Variants in CAPZB observed in about 807,000 individuals in gnomAD.
CAPZB encodes the protein capping actin protein of muscle Z-line subunit beta.
Under a neutral mutation model 38.1 loss-of-function variants are expected in CAPZB, and 2 were observed. The ratio of observed to expected loss-of-function variants is 0.05; its 90% CI spans 0.02 to 0.17. The LOEUF (loss-of-function observed/expected upper bound fraction) is 0.17, where lower values mean the gene tolerates loss of function less well. Ranked by LOEUF, CAPZB falls within the 10% of genes least tolerant of loss-of-function variation. CAPZB has a pLI of 1.00. For synonymous variants in CAPZB, 107 were observed against 127.4 expected, an observed-to-expected ratio of 0.84 and a Z score of 1.08; for missense variants, 161 against 334.2, an observed-to-expected ratio of 0.48 and a Z score of 4.04.
chr1:19,459,888 G>A (rs1313975265), intron 1 of CAPZB, among the ~76,000 whole-genome samples: 1 of 152,102 alleles, frequency 6.6e-6, no homozygotes, highest in Non-Finnish European at 1.5e-5. Context: ...CCACCCCATA[G>A]TCACGTAGTT....
intron 1 of CAPZB, among the ~76,000 whole-genome samples, chr1:19,460,574 C>CTTTTTTTTT (rs35288971): frequency 0.027 from 2,438 of 90,980 alleles, 5 homozygotes; most frequent in Middle Eastern, 0.041. Flanking sequence ...TGTGCCCAGG[C>CTTTTTTTTT]TTTTTTTTTT....
intron 1 of CAPZB, among the ~76,000 whole-genome samples, chr1:19,454,251 C>G (rs952159834): frequency 7.2e-5 from 11 of 152,208 alleles, no homozygotes; most frequent in African/African-American, 2.7e-4. Context: ...ATAATTCACA[C>G]CTGCACTCAC....
chr1:19,365,258 T>A (rs2094077108), intron 4 of CAPZB, among the ~76,000 whole-genome samples: 1 of 152,198 alleles, frequency 6.6e-6, no homozygotes, highest in South Asian at 2.1e-4. Context: ...CAGATCACTC[T>A]CGTAGACATG....
At chr1:19,446,011 C>T (rs751844540) in intron 1 of CAPZB, among the ~76,000 whole-genome samples, 87 of 152,316 alleles carry the variant, frequency 5.7e-4, no homozygotes, top group Non-Finnish European at 1.0e-3. Flanking sequence ...AGCTGGAGGC[C>T]TCTCGGCATC....
At chr1:19,404,001 C>A (rs1178958775) in intron 2 of CAPZB, among the ~76,000 whole-genome samples, 1 of 152,102 alleles carries the variant, frequency 6.6e-6, no homozygotes, top group Non-Finnish European at 1.5e-5. Context: ...GTAGGCCGGG[C>A]ACGGTGGCAT....
At chr1:19,434,895 G>A (rs1041014985) in intron 1 of CAPZB, among the ~76,000 whole-genome samples, 28 of 151,806 alleles carry the variant, frequency 1.8e-4, no homozygotes, top group Admixed American at 1.8e-3. Context: ...CTCCAGCCTG[G>A]GGGACAAAAC....
intron 1 of CAPZB, among the ~76,000 whole-genome samples, chr1:19,441,174 C>T (rs546959998): frequency 2.9e-4 from 44 of 152,350 alleles, no homozygotes; most frequent in African/African-American, 9.6e-4. Flanking sequence ...GCTGAAAACA[C>T]GTGAATCCCA....
intron 4 of CAPZB, among the ~76,000 whole-genome samples, chr1:19,375,721 G>C (rs918965862): frequency 1.2e-4 from 19 of 152,298 alleles, no homozygotes; most frequent in Non-Finnish European, 2.2e-4. Flanking sequence ...GAAGGGAAAG[G>C]CTTCACCAGA....
chr1:19,463,829 T>C (rs1427602252), intron 1 of CAPZB, among the ~76,000 whole-genome samples: 1 of 152,176 alleles, frequency 6.6e-6, no homozygotes, highest in East Asian at 1.9e-4. Context: ...TTTCACCCTC[T>C]ATGTTAAAAA....
intron 2 of CAPZB, among the ~76,000 whole-genome samples, chr1:19,418,490 C>T (rs748986986): frequency 4.6e-5 from 7 of 152,288 alleles, no homozygotes; most frequent in East Asian, 1.9e-4. Context: ...GCCTTCTCTC[C>T]GCTTACATCA....
intron 8 of CAPZB, among the ~76,000 whole-genome samples, chr1:19,340,553 C>T (rs561310964): frequency 1.2e-4 from 19 of 152,246 alleles, no homozygotes; most frequent in African/African-American, 3.6e-4. Flanking sequence ...TCAACCCGGC[C>T]GGATGTGGTG....
intron 3 of CAPZB, among the ~76,000 whole-genome samples, chr1:19,382,567 A>C (rs750284988): frequency 5.3e-5 from 8 of 152,198 alleles, no homozygotes; most frequent in Admixed American, 2.0e-4. Context: ...AGGAGAAAGA[A>C]AGACATACTT....
chr1:19,398,395 T>G (rs1185820785), intron 2 of CAPZB, among the ~76,000 whole-genome samples: 4 of 152,170 alleles, frequency 2.6e-5, no homozygotes, highest in Non-Finnish European at 5.9e-5. Flanking sequence ...AGGTCTGGCT[T>G]CCTCCAACAG....
chr1:19,385,859 C>G lies in CAPZB; in HGVS notation c.94-233G>C, dbSNP rs368597252. 4.7e-6 allele frequency: 3 copies of G among 642,160 alleles called. No individual in the cohort carries two copies. In the East Asian group the frequency reaches 9.5e-5, roughly 20 times the overall value. The allele number at this position is 642,160 out of a possible 1,614,324, so 39.8% of individuals were successfully genotyped here. A position where few individuals can be genotyped will look rare whatever the true frequency, so the allele number is the denominator to read the frequency against. On this transcript the variant is annotated intron_variant, in intron 2 of 8. Coordinates refer to ENST00000264202, the MANE Select transcript of CAPZB (RefSeq NM_004930.5). ...AGTGGAGCGTGATTTCTAATACAGT[C>G]TTCCTTCCAAAAACTGTGTGCAGCT...
chr1:19,466,600 G>T (rs2094569935), intron 1 of CAPZB, among the ~76,000 whole-genome samples: 1 of 152,118 alleles, frequency 6.6e-6, no homozygotes, highest in African/African-American at 2.4e-5. Context: ...AGAAGAAAAA[G>T]AGGCATGGGG....
chr1:19,467,769 A>C (rs111639330), intron 1 of CAPZB, among the ~76,000 whole-genome samples: 17 of 152,348 alleles, frequency 1.1e-4, no homozygotes, highest in African/African-American at 4.1e-4. Flanking sequence ...ACAAAAGCCC[A>C]AATGACCAGG....
chr1:19,448,738 TA>T, intron 1 of CAPZB: 1 of 1,441,530 alleles, frequency 6.9e-7, no homozygotes, highest in Non-Finnish European at 9.6e-7. Context: ...CTTTGCTATT[TA>T]CTTCTCCCTT....
chr1:19,345,066 C>A, intron 7 of CAPZB, 121 bp downstream of exon 7: 2 of 781,962 alleles, frequency 2.6e-6, no homozygotes, highest in South Asian at 1.5e-5. Flanking sequence ...AAGAAGCGCT[C>A]TGCCGGCTGC....
intron 1 of CAPZB, among the ~76,000 whole-genome samples, chr1:19,469,741 T>TATACACACAC (rs369308849): frequency 7.3e-6 from 1 of 136,722 alleles, no homozygotes; most frequent in African/African-American, 2.8e-5. Context: ...AGGAAAAGAA[T>TATACACACAC]ACACACACAC....
Sources: gnomAD v4.1 joint callset for allele counts (sites outside exome capture counted in the v4.1 genomes callset) on GRCh38, gnomAD v4.1.1 for gene constraint, MANE v1.5 for transcripts, NCBI Gene and HGNC (gene_info 2026-07-23, HGNC 2026-07-21) for gene names.